Variants in SATB2 observed in about 807,000 individuals in gnomAD.
SATB2 encodes the protein SATB homeobox 2, also known as DNA-binding protein SATB2.
Under a neutral mutation model 73.4 loss-of-function variants are expected in SATB2, and 1 was observed. The ratio of observed to expected loss-of-function variants is 0.01; its 90% CI spans 0.00 to 0.06. SATB2 has a LOEUF of 0.06. Among genes scored for constraint, SATB2 ranks in the 10% least tolerant of loss-of-function variants. SATB2 has a pLI of 1.00. For missense variants in SATB2, 459 were observed against 945.8 expected (o/e 0.49, Z 6.75); for synonymous variants, 397 against 367.0 (o/e 1.08, Z -0.93).
At chr2:199,349,436 T>C (rs572945695) in intron 6 of SATB2, among the ~76,000 whole-genome samples, 44 of 152,318 alleles carry the variant, frequency 2.9e-4, no homozygotes, top group African/African-American at 1.1e-3. Flanking sequence ...TTTCTTTAAA[T>C]AGCCAAGACA....
At chr2:199,276,757 C>G (rs944147086) in intron 10 of SATB2, among the ~76,000 whole-genome samples, 1 of 772 alleles carries the variant, frequency 1.3e-3, no homozygotes, top group African/African-American at 1.9e-3. Context: ...TACCTTTTTC[C>G]CTTTTTTCAA....
At chr2:199,278,164 G>C (rs1692374755) in intron 10 of SATB2, among the ~76,000 whole-genome samples, 1 of 152,156 alleles carries the variant, frequency 6.6e-6, no homozygotes, top group South Asian at 2.1e-4. Flanking sequence ...GGCAGCATTG[G>C]AGCCCAGGCA....
Position 199,272,203 on chromosome 2 carries a change from A to G in SATB2, c.*8T>C, listed in dbSNP as rs2105706312. The G allele has an allele frequency of 3.1e-6, 5 of 1,609,646 alleles. No individual in the cohort carries two copies. In the South Asian group the frequency reaches 4.4e-5, roughly 14 times the overall value. On this transcript the variant is annotated 3_prime_UTR_variant, in exon 11 of 11. Coordinates refer to ENST00000417098, the MANE Select transcript of SATB2 (RefSeq NM_001172509.2). This position sits in a 1 kb window ranked among gnomAD's most constrained non-coding sequence, Gnocchi z 6.7. ...CCGATGTATTGCTTTGCCTAGTAGA[A>G]GTTCACATTATCTCTGGTCAATTTC...
intron 10 of SATB2, among the ~76,000 whole-genome samples, chr2:199,296,060 A>T (rs191257505): frequency 1.4e-4 from 22 of 152,332 alleles, no homozygotes; most frequent in Admixed American, 4.6e-4. Context: ...GAGAAGCCAC[A>T]GTAGGTAGGT....
chr2:199,367,445 A>ATCATTCCT (rs1689319647), intron 6 of SATB2, among the ~76,000 whole-genome samples: 1 of 152,154 alleles, frequency 6.6e-6, no homozygotes, highest in Non-Finnish European at 1.5e-5. Flanking sequence ...GTGATCAGAA[A>ATCATTCCT]TGTGCTGCCA....
chr2:199,318,176 C>T (rs1254682235), intron 9 of SATB2, among the ~76,000 whole-genome samples: 2 of 151,974 alleles, frequency 1.3e-5, no homozygotes, highest in African/African-American at 4.8e-5. Context: ...CTCACTTTTA[C>T]ACAGGGTATC....
intron 10 of SATB2, among the ~76,000 whole-genome samples, chr2:199,307,039 A>G (rs1300245088): frequency 6.6e-6 from 1 of 152,134 alleles, no homozygotes; most frequent in East Asian, 1.9e-4. Context: ...GGTTCCCTGA[A>G]GCAAGTCCTT....
chr2:199,347,519 ACTCTAGAGTGT>A (rs1406888249), intron 7 of SATB2: 1 of 148,548 alleles, frequency 6.7e-6, no homozygotes, highest in Non-Finnish European at 1.5e-5. Flanking sequence ...ACAACCTAAT[ACTCTAGAGTGT>A]TGTTTACATA....
At chr2:199,287,937 T>C (rs1017637653) in intron 10 of SATB2, among the ~76,000 whole-genome samples, 12 of 152,190 alleles carry the variant, frequency 7.9e-5, no homozygotes, top group Non-Finnish European at 1.6e-4. Flanking sequence ...TACTGCTGTT[T>C]AGCTAGCTAA....
chr2:199,389,626 ACT>A (rs1690064844), intron 3 of SATB2, among the ~76,000 whole-genome samples: 4 of 152,202 alleles, frequency 2.6e-5, no homozygotes, highest in African/African-American at 9.6e-5. Context: ...CACACAATGC[ACT>A]GTTTCCCATC....
At chr2:199,336,882 A>G (rs1374357) in intron 7 of SATB2, among the ~76,000 whole-genome samples, 116,018 of 152,036 alleles carry the variant, frequency 0.76, 46,235 homozygotes, top group South Asian at 0.91. Flanking sequence ...GTATCAATTA[A>G]TCTCCCTATG....
At chr2:199,363,116 A>G (rs768590466) in intron 6 of SATB2, among the ~76,000 whole-genome samples, 1 of 152,218 alleles carries the variant, frequency 6.6e-6, no homozygotes, top group Non-Finnish European at 1.5e-5. Flanking sequence ...GAATTAGTCC[A>G]TGTCTAAGCT....
At chr2:199,374,969 G>GA (rs1190263771) in intron 5 of SATB2, among the ~76,000 whole-genome samples, 18,583 of 121,022 alleles carry the variant, frequency 0.15, 1,316 homozygotes, top group South Asian at 0.37. Context: ...GTCGCAAAAA[G>GA]AAAAAAAAAA....
Position 199,380,436 on chromosome 2 carries a change from G to A in SATB2, c.525C>T (p.Val175=). 6.2e-7 allele frequency: 1 copy of A among 1,613,952 alleles called. No individual in the cohort carries two copies. The highest frequency in any genetic ancestry group is 8.5e-7 in the Non-Finnish European group (1 of 1,179,892). The part of the protein sequence containing the change: ...LPAEQWNHAT[V]RNALKELLKE... Reference sequence around the variant, plus strand: ...TGAGCAGTTCCTTTAAGGCATTGCGGACTGTGGCATGGTTCCACTGCTCCG... The same window carrying A: ...TGAGCAGTTCCTTTAAGGCATTGCGAACTGTGGCATGGTTCCACTGCTCCG... Residue 175 remains valine (V), a synonymous_variant, in exon 5 of 11, where the codon GTC becomes GTT. Transcript: ENST00000417098.
chr2:199,452,243 GTTC>G (rs1410920650), intron 2 of SATB2, among the ~76,000 whole-genome samples: 1 of 152,064 alleles, frequency 6.6e-6, no homozygotes, highest in Non-Finnish European at 1.5e-5. Context: ...CTGTCTGAAA[GTTC>G]TTCTTTAAGC....
chr2:199,352,651 C>T (rs199704343), intron 6 of SATB2, among the ~76,000 whole-genome samples: 5 of 152,118 alleles, frequency 3.3e-5, no homozygotes, highest in African/African-American at 1.2e-4. Flanking sequence ...CAAATACCTA[C>T]CTGTTCAGGT....
intron 6 of SATB2, among the ~76,000 whole-genome samples, chr2:199,353,939 A>G (rs1483529758): frequency 6.6e-6 from 1 of 152,240 alleles, no homozygotes; most frequent in African/African-American, 2.4e-5. Flanking sequence ...GCAGAAGATC[A>G]GAAATCCTGG....
intron 7 of SATB2, among the ~76,000 whole-genome samples, chr2:199,346,483 G>A (rs777651311): frequency 2.0e-5 from 3 of 151,984 alleles, no homozygotes; most frequent in Admixed American, 6.6e-5. Flanking sequence ...TTAATCATAC[G>A]ACAATTTCAA....
At chr2:199,429,939 C>T (rs939319898) in intron 3 of SATB2, among the ~76,000 whole-genome samples, 7 of 152,138 alleles carry the variant, frequency 4.6e-5, no homozygotes, top group African/African-American at 7.2e-5. Context: ...AATTAATCAA[C>T]AGTCAATTTT....
Sources: gnomAD v4.1 joint callset for allele counts (sites outside exome capture counted in the v4.1 genomes callset) on GRCh38, gnomAD v4.1.1 for gene constraint, Gnocchi (gnomAD v3.1) non-coding constraint, MANE v1.5 for transcripts, NCBI Gene and HGNC (gene_info 2026-07-23, HGNC 2026-07-21) for gene names.